The following SLC13A1 variants were observed in gnomAD, a reference collection of about 807,000 sequenced individuals.
The protein encoded by SLC13A1 is solute carrier family 13 member 1.
A neutral mutation model predicts 70.0 loss-of-function variants in SLC13A1; 65 were observed. The ratio of observed to expected loss-of-function variants is 0.93; its 90% CI spans 0.76 to 1.14. The LOEUF is 1.14. SLC13A1 is among the 50% of genes most tolerant of loss of function. The pLI is 0.00. For synonymous variants in SLC13A1, 275 were observed against 250.5 expected (o/e 1.10, Z -0.92); for missense variants, 726 against 717.8 (o/e 1.01, Z -0.13).
At chr7:123,186,399 A>G (rs1795801847) in intron 1 of SLC13A1, among the ~76,000 whole-genome samples, 1 of 152,096 alleles carries the variant, frequency 6.6e-6, no homozygotes, top group Non-Finnish European at 1.5e-5. Flanking sequence ...ACTGGCTTTG[A>G]GGTAGAACAT....
intron 6 of SLC13A1, among the ~76,000 whole-genome samples, chr7:123,150,118 C>T (rs545890090): frequency 1.3e-4 from 20 of 152,236 alleles, no homozygotes; most frequent in African/African-American, 4.8e-4. Context: ...TGATGTTGCT[C>T]CTCTACCCTA....
intron 7 of SLC13A1, among the ~76,000 whole-genome samples, chr7:123,140,144 T>G (rs1469363418): frequency 6.6e-6 from 1 of 152,042 alleles, no homozygotes; most frequent in Non-Finnish European, 1.5e-5. Context: ...TGTGAAGGGA[T>G]GTTGAATTTT....
intron 12 of SLC13A1, among the ~76,000 whole-genome samples, chr7:123,121,850 CA>C (rs1229411857): frequency 1.3e-5 from 2 of 152,046 alleles, no homozygotes; most frequent in African/African-American, 4.8e-5. Context: ...TAATTGCCTC[CA>C]AATTTTTTAC....
Position 123,171,946 on chromosome 7 carries a change from G to A in SLC13A1, c.229-42C>T, listed in dbSNP as rs28364188. On this transcript the variant is annotated intron_variant, in intron 2 of 14. Coordinates refer to ENST00000194130, the MANE Select transcript of SLC13A1 (RefSeq NM_022444.4). ...ACCCGTGATTATTTACTTTGGTGGGGAAAAATAACATTGCACAAGAAAGAC... is the reference window on the plus strand; with the variant it reads ...ACCCGTGATTATTTACTTTGGTGGGAAAAAATAACATTGCACAAGAAAGAC... The A allele has an allele frequency of 2.9e-4, 462 of 1,584,892 alleles. No homozygotes were observed. In the African/African-American group the frequency reaches 5.1e-3, roughly 17 times the overall value.
intron 3 of SLC13A1, among the ~76,000 whole-genome samples, chr7:123,170,689 C>T (rs1320477829): frequency 2.6e-5 from 4 of 151,732 alleles, no homozygotes; most frequent in African/African-American, 4.8e-5. Flanking sequence ...AGTGCAATGG[C>T]GTGATCTTGG....
At chr7:123,184,398 A>G (rs1454078183) in intron 1 of SLC13A1, among the ~76,000 whole-genome samples, 1 of 151,976 alleles carries the variant, frequency 6.6e-6, no homozygotes, top group South Asian at 2.1e-4. Context: ...TTTGACTAAC[A>G]TCTCTTTAAC....
rs1173507776 is a variant in SLC13A1 at position 123,169,284 on chromosome 7, G to C, written c.417C>G (p.Ser139Arg). 4 of 1,613,810 alleles carry C rather than the reference G, an allele frequency of 2.5e-6. No homozygotes were observed. The highest frequency in any genetic ancestry group is 3.4e-6 in the Non-Finnish European group (4 of 1,179,986). Reference protein sequence around the residue: ...SSTAFLSMWLSNTSTAAMVMP... With the variant: ...SSTAFLSMWLRNTSTAAMVMP... ...TCACCATGGCAGCCGTCGAGGTGTT[G>C]CTGAGCCACATAGACAAAAAGGCAG... Residue 139 changes from serine (S) to arginine (R), a missense_variant, in exon 4 of 15, where the codon AGC (serine) becomes AGG (arginine). Transcript: ENST00000194130.
chr7:123,190,316 A>G (rs530311046), intron 1 of SLC13A1: 11 of 332,042 alleles, frequency 3.3e-5, no homozygotes, highest in African/African-American at 2.4e-4. Flanking sequence ...TGTGATGCAG[A>G]CTGGCTTGGG....
At position 123,125,494 on chromosome 7, in the gene SLC13A1, C is replaced by T. The variant is rs1585292417; in HGVS notation, c.1240+75G>A. The T allele has an allele frequency of 2.8e-6, 3 of 1,058,620 alleles. No individual in the cohort carries two copies. The East Asian group carries it at 7.1e-5, about 25-fold the overall frequency. The allele number at this position is 1,058,620 out of a possible 1,614,324, so 65.6% of individuals were successfully genotyped here. A position where few individuals can be genotyped will look rare whatever the true frequency, so the allele number is the denominator to read the frequency against. ...ATAGACTTTCTTTCTGCTCTAGGTG[C>T]CAAGCGAAACCAATGGAATTTTGTA... is the stretch of plus-strand genomic sequence containing the variant. On this transcript the variant is annotated intron_variant, in intron 11 of 14. Transcript: ENST00000194130.
At chr7:123,174,964 A>G (rs1360106211) in intron 2 of SLC13A1, among the ~76,000 whole-genome samples, 1 of 151,986 alleles carries the variant, frequency 6.6e-6, no homozygotes, top group African/African-American at 2.4e-5. Context: ...ACTAAACTGG[A>G]TTAGATAATA....
intron 1 of SLC13A1, among the ~76,000 whole-genome samples, chr7:123,195,572 A>T (rs994292422): frequency 1.3e-5 from 2 of 151,870 alleles, no homozygotes; most frequent in Admixed American, 1.3e-4. Flanking sequence ...CAATCATTAT[A>T]TTTCTCCCAT....
intron 3 of SLC13A1, among the ~76,000 whole-genome samples, chr7:123,171,303 C>T (rs1027861270): frequency 6.6e-6 from 1 of 152,170 alleles, no homozygotes; most frequent in Non-Finnish European, 1.5e-5. Flanking sequence ...GAAAAATATT[C>T]ACCTTGGAAT....
intron 10 of SLC13A1, among the ~76,000 whole-genome samples, chr7:123,126,413 C>G (rs1473302489): frequency 1.3e-5 from 2 of 152,126 alleles, no homozygotes; most frequent in Non-Finnish European, 2.9e-5. Flanking sequence ...GAAGCCTCAA[C>G]AGGAAAGAAC....
chr7:123,115,458 A>C lies in SLC13A1; in HGVS notation c.*60T>G. 1 of 1,542,680 alleles carries C rather than the reference A, an allele frequency of 6.5e-7. No homozygotes were observed. Among genetic ancestry groups the C allele is most frequent in the Non-Finnish European group, 8.9e-7 (1 of 1,124,088 alleles). On this transcript the variant is annotated 3_prime_UTR_variant, in exon 15 of 15. Transcript: ENST00000194130. The stretch of plus-strand genomic sequence containing the variant: ...CATTAGTTATTTAGAGCCACATTTT[A>C]CAGTCAATCATTAATGTCTTCCAGA...
chr7:123,175,528 T>C (rs1261531474), intron 2 of SLC13A1, among the ~76,000 whole-genome samples: 1 of 152,016 alleles, frequency 6.6e-6, no homozygotes, highest in Non-Finnish European at 1.5e-5. Flanking sequence ...AATTAGTACT[T>C]TTATAAAAGG....
chr7:123,131,257 C>A (rs1447424564), intron 8 of SLC13A1, among the ~76,000 whole-genome samples: 1 of 152,020 alleles, frequency 6.6e-6, no homozygotes, highest in Non-Finnish European at 1.5e-5. Flanking sequence ...CAAACTTTTA[C>A]CCCTTGTCAT....
chr7:123,165,231 G>T (rs951760933), intron 6 of SLC13A1, among the ~76,000 whole-genome samples: 1 of 152,048 alleles, frequency 6.6e-6, no homozygotes, highest in Non-Finnish European at 1.5e-5. Flanking sequence ...TTTCATGCAT[G>T]TCTTATAAAG....
chr7:123,179,144 G>T (rs1006413439), intron 2 of SLC13A1, among the ~76,000 whole-genome samples: 8 of 151,954 alleles, frequency 5.3e-5, no homozygotes, highest in African/African-American at 1.2e-4. Flanking sequence ...AGGAGGAAAT[G>T]ATATTAATTT....
chr7:123,131,864 G>A (rs1223861376), intron 8 of SLC13A1, among the ~76,000 whole-genome samples: 2 of 152,114 alleles, frequency 1.3e-5, no homozygotes, highest in Non-Finnish European at 2.9e-5. Context: ...CTCATTAAGA[G>A]CACATTTCAA....
Sources: allele counts gnomAD v4.1 joint callset (sites outside exome capture counted in the v4.1 genomes callset), GRCh38; gene constraint gnomAD v4.1.1; transcripts MANE v1.5; gene names NCBI Gene and HGNC (gene_info 2026-07-23, HGNC 2026-07-21).